Variants in CLSTN2 observed in about 807,000 individuals in gnomAD.
CLSTN2 encodes calsyntenin-2.
Under a neutral mutation model 101.2 loss-of-function variants are expected in CLSTN2, and 48 were observed. The observed-to-expected ratio is 0.47, with a 90% confidence interval of 0.38 to 0.60. The LOEUF is 0.60. Ranked by LOEUF, CLSTN2 falls within the 20% of genes least tolerant of loss-of-function variation. The pLI is 0.00. For missense variants in CLSTN2, 1,160 were observed against 1,238.2 expected (o/e 0.94, Z 0.95); for synonymous variants, 481 against 463.6 (o/e 1.04, Z -0.48).
intron 2 of CLSTN2, among the ~76,000 whole-genome samples, chr3:140,252,439 C>T (rs2086572281): frequency 6.6e-6 from 1 of 152,128 alleles, no homozygotes; most frequent in South Asian, 2.1e-4. Context: ...GAATCTCAGC[C>T]CTATCTAAGC....
chr3:140,122,850 T>C (rs2009366098), intron 1 of CLSTN2, among the ~76,000 whole-genome samples: 1 of 152,152 alleles, frequency 6.6e-6, no homozygotes, highest in Admixed American at 6.6e-5. Context: ...TTACTTCTTT[T>C]ATAATACTTC....
intron 1 of CLSTN2, among the ~76,000 whole-genome samples, chr3:139,987,105 T>C (rs1258390809): frequency 6.6e-6 from 1 of 152,188 alleles, no homozygotes; most frequent in East Asian, 1.9e-4. Context: ...CTCTGTCTTT[T>C]GGAGAGTCAA....
intron 1 of CLSTN2, among the ~76,000 whole-genome samples, chr3:140,120,868 G>T (rs149318130): frequency 5.9e-4 from 90 of 152,258 alleles, no homozygotes; most frequent in African/African-American, 2.1e-3. Flanking sequence ...ATGCATTGCA[G>T]GTCATTAGGC....
At chr3:140,530,986 T>C (rs1031836756) in intron 8 of CLSTN2, among the ~76,000 whole-genome samples, 25 of 152,198 alleles carry the variant, frequency 1.6e-4, no homozygotes, top group Non-Finnish European at 1.0e-4. Context: ...TTGATTCAGA[T>C]ATGTAGTTCT....
At chr3:140,023,604 A>ACCCT (rs1193149465) in intron 1 of CLSTN2, among the ~76,000 whole-genome samples, 1 of 151,870 alleles carries the variant, frequency 6.6e-6, no homozygotes, top group Non-Finnish European at 1.5e-5. Flanking sequence ...CCATTTGATG[A>ACCCT]CCCTCCAAGG....
At chr3:140,128,687 GAATA>G (rs2009474329) in intron 1 of CLSTN2, among the ~76,000 whole-genome samples, 1 of 152,136 alleles carries the variant, frequency 6.6e-6, no homozygotes, top group Non-Finnish European at 1.5e-5. Context: ...AGATCTGGGC[GAATA>G]AATACCCCAA....
chr3:140,037,699 C>T (rs2007681399), intron 1 of CLSTN2, among the ~76,000 whole-genome samples: 1 of 152,116 alleles, frequency 6.6e-6, no homozygotes, highest in African/African-American at 2.4e-5. Flanking sequence ...GCTCTCCCTA[C>T]CCCGACCCCA....
At chr3:140,288,246 A>G (rs1196757444) in intron 2 of CLSTN2, among the ~76,000 whole-genome samples, 2 of 152,160 alleles carry the variant, frequency 1.3e-5, no homozygotes, top group Admixed American at 6.6e-5. Context: ...TAAAAAATTT[A>G]TGAAAGAAAG....
intron 4 of CLSTN2, 87 bp downstream of exon 4, chr3:140,404,853 C>A: frequency 8.7e-7 from 1 of 1,147,754 alleles, no homozygotes; most frequent in Non-Finnish European, 1.3e-6. Context: ...TCTGAATATG[C>A]TTGGCAAGTT....
intron 2 of CLSTN2, among the ~76,000 whole-genome samples, chr3:140,236,420 A>G (rs545549400): frequency 4.6e-5 from 7 of 152,128 alleles, no homozygotes; most frequent in Non-Finnish European, 8.8e-5. Context: ...GTCACTCTCT[A>G]ATATTGGTTT....
At chr3:140,310,845 A>T (rs915478259) in intron 2 of CLSTN2, among the ~76,000 whole-genome samples, 4 of 152,332 alleles carry the variant, frequency 2.6e-5, no homozygotes, top group African/African-American at 9.6e-5. Context: ...ATATTAATTT[A>T]AAAAATTTAT....
chr3:140,382,739 C>T (rs1450363431), intron 2 of CLSTN2, among the ~76,000 whole-genome samples: 5 of 152,172 alleles, frequency 3.3e-5, no homozygotes, highest in South Asian at 4.1e-4. Context: ...TGGTCAGGCT[C>T]TGCTGAGGGC....
At chr3:140,301,543 C>T (rs529941440) in intron 2 of CLSTN2, among the ~76,000 whole-genome samples, 3 of 152,228 alleles carry the variant, frequency 2.0e-5, no homozygotes, top group South Asian at 2.1e-4. Flanking sequence ...CACTGTTCAT[C>T]GATAAGCAAA....
chr3:140,206,994 C>T (rs1248123465), intron 2 of CLSTN2, among the ~76,000 whole-genome samples: 3 of 152,084 alleles, frequency 2.0e-5, no homozygotes, highest in Admixed American at 2.0e-4. Context: ...TATTGGTTCC[C>T]TCTTTTTCCT....
At chr3:140,121,345 T>G (rs183719818) in intron 1 of CLSTN2, among the ~76,000 whole-genome samples, 1 of 152,166 alleles carries the variant, frequency 6.6e-6, no homozygotes, top group East Asian at 1.9e-4. Context: ...TCCTGGGATT[T>G]CTAGATGGTC....
At chr3:140,064,536 C>T (rs2008265939) in intron 1 of CLSTN2, among the ~76,000 whole-genome samples, 1 of 152,178 alleles carries the variant, frequency 6.6e-6, no homozygotes, top group Non-Finnish European at 1.5e-5. Flanking sequence ...ATCAAAACCA[C>T]AATGACCACC....
intron 1 of CLSTN2, among the ~76,000 whole-genome samples, chr3:140,126,300 G>A (rs1341403789): frequency 1.3e-5 from 2 of 152,092 alleles, no homozygotes; most frequent in Non-Finnish European, 2.9e-5. Context: ...TAGGCAGATG[G>A]CAGCAGTGTG....
At chr3:139,972,365 G>C (rs1935727212) in intron 1 of CLSTN2, among the ~76,000 whole-genome samples, 1 of 152,036 alleles carries the variant, frequency 6.6e-6, no homozygotes, top group South Asian at 2.1e-4. Flanking sequence ...TCAGTCCTCT[G>C]TCCTACCTCC....
At chr3:140,297,841 C>A (rs2087018857) in intron 2 of CLSTN2, among the ~76,000 whole-genome samples, 1 of 152,204 alleles carries the variant, frequency 6.6e-6, no homozygotes, top group Admixed American at 6.5e-5. Context: ...GATGGCTCAA[C>A]CTAATACAGG....
Sources: gnomAD v4.1 joint callset for allele counts (sites outside exome capture counted in the v4.1 genomes callset) on GRCh38, gnomAD v4.1.1 for gene constraint, MANE v1.5 for transcripts, NCBI Gene and HGNC (gene_info 2026-07-23, HGNC 2026-07-21) for gene names.